Variants in SDK1 observed in about 807,000 individuals in gnomAD.
The protein encoded by SDK1 is sidekick cell adhesion molecule 1.
A neutral mutation model predicts 245.5 loss-of-function variants in SDK1; 157 were observed. The ratio of observed to expected loss-of-function variants is 0.64; its 90% CI spans 0.56 to 0.73. The LOEUF (loss-of-function observed/expected upper bound fraction) is 0.73, where lower values mean the gene tolerates loss of function less well. SDK1 is among the 30% of genes least tolerant of loss of function. SDK1 has a pLI of 0.00. For missense variants in SDK1, 3,583 were observed against 3,002.3 expected (o/e 1.19, Z -4.52); for synonymous variants, 1,647 against 1,278.5 (o/e 1.29, Z -6.15).
intron 1 of SDK1, among the ~76,000 whole-genome samples, chr7:3,496,190 C>T (rs929663554): frequency 6.6e-6 from 1 of 152,126 alleles, no homozygotes; most frequent in Non-Finnish European, 1.5e-5. Flanking sequence ...TGAAATGAGG[C>T]TAGCAGTGGG....
intron 1 of SDK1, among the ~76,000 whole-genome samples, chr7:3,456,239 C>A (rs923289619): frequency 6.6e-6 from 1 of 152,196 alleles, no homozygotes; most frequent in African/African-American, 2.4e-5. Flanking sequence ...CTTCTTGAAT[C>A]TGTAGATTTA....
intron 4 of SDK1, among the ~76,000 whole-genome samples, chr7:3,806,078 T>C (rs1415524314): frequency 1.3e-5 from 2 of 152,224 alleles, no homozygotes; most frequent in African/African-American, 4.8e-5. Flanking sequence ...CTGCAAATGC[T>C]TGGCTTGTAG....
At chr7:3,565,265 A>C (rs901526260) in intron 1 of SDK1, among the ~76,000 whole-genome samples, 1 of 152,144 alleles carries the variant, frequency 6.6e-6, no homozygotes, top group Admixed American at 6.5e-5. Flanking sequence ...TAAAGCATCT[A>C]AATTGCATCC....
chr7:3,969,147 G>T, intron 10 of SDK1, 110 bp from the exon 11 acceptor site: 1 of 977,062 alleles, frequency 1.0e-6, no homozygotes, highest in Non-Finnish European at 1.5e-6. Context: ...ACGAGACTTG[G>T]GTGGGGACAC....
intron 5 of SDK1, among the ~76,000 whole-genome samples, chr7:3,919,232 A>G (rs1779499548): frequency 6.6e-6 from 1 of 152,250 alleles, no homozygotes; most frequent in Non-Finnish European, 1.5e-5. Flanking sequence ...CCCCCAGGCC[A>G]TAATGAGGGT....
chr7:3,582,707 AAAG>A (rs1193730252), intron 1 of SDK1, among the ~76,000 whole-genome samples: 1 of 149,508 alleles, frequency 6.7e-6, no homozygotes, highest in Non-Finnish European at 1.5e-5. Flanking sequence ...AAAAAAAAAA[AAAG>A]GTACCATCAG....
intron 40 of SDK1, 156 bp from the exon 41 acceptor site, chr7:4,233,097 CTG>C (rs1785900208): frequency 1.6e-6 from 1 of 631,748 alleles, no homozygotes; most frequent in South Asian, 2.0e-5. Context: ...ACTTGCGAAA[CTG>C]AGACTCCGTC....
At chr7:3,870,284 C>T (rs1272142001) in intron 5 of SDK1, among the ~76,000 whole-genome samples, 2 of 152,026 alleles carry the variant, frequency 1.3e-5, no homozygotes, top group African/African-American at 2.4e-5. Context: ...GTGATTGCTA[C>T]TTTTCGTTAT....
At chr7:3,998,551 G>A (rs1230213964) in intron 14 of SDK1, among the ~76,000 whole-genome samples, 1 of 152,084 alleles carries the variant, frequency 6.6e-6, no homozygotes, top group Non-Finnish European at 1.5e-5. Flanking sequence ...TTCAGCTTTT[G>A]GGAATTCATG....
At chr7:3,522,750 T>C (rs1400535107) in intron 1 of SDK1, among the ~76,000 whole-genome samples, 1 of 152,182 alleles carries the variant, frequency 6.6e-6, no homozygotes, top group African/African-American at 2.4e-5. Flanking sequence ...CACTGACCAA[T>C]TCCAGCTTTA....
chr7:4,048,764 T>C (rs1789215691), intron 17 of SDK1, among the ~76,000 whole-genome samples: 1 of 152,204 alleles, frequency 6.6e-6, no homozygotes, highest in Non-Finnish European at 1.5e-5. Flanking sequence ...AAGGCAGTCA[T>C]TTGGCAGGTA....
chr7:3,938,323 A>T (rs1780231920), intron 5 of SDK1, among the ~76,000 whole-genome samples: 1 of 151,676 alleles, frequency 6.6e-6, no homozygotes. Flanking sequence ...TCAGTGGGAG[A>T]TTATGCATTT....
At chr7:3,551,678 T>C (rs1779418400) in intron 1 of SDK1, among the ~76,000 whole-genome samples, 1 of 152,046 alleles carries the variant, frequency 6.6e-6, no homozygotes, top group South Asian at 2.1e-4. Context: ...AGAAAACTTG[T>C]AAAGTTACTT....
chr7:4,184,782 A>G (rs538948104), intron 35 of SDK1, among the ~76,000 whole-genome samples: 3 of 152,314 alleles, frequency 2.0e-5, no homozygotes, highest in Admixed American at 1.3e-4. Context: ...AGCTGAAAGA[A>G]TCATTATTAA....
intron 4 of SDK1, among the ~76,000 whole-genome samples, chr7:3,652,058 C>G (rs1294920428): frequency 1.3e-5 from 2 of 151,994 alleles, no homozygotes; most frequent in African/African-American, 4.8e-5. Context: ...AAATATTGGC[C>G]TCCGTTTTAT....
In SDK1 at chr7:3,967,335, A is replaced by G; in HGVS notation, c.1447A>G (p.Thr483Ala). 6.2e-7 allele frequency: 1 copy of G among 1,613,884 alleles called. No individual in the cohort carries two copies. The highest frequency in any genetic ancestry group is 8.5e-7 in the Non-Finnish European group (1 of 1,179,826). The change falls in exon 10 of 45, where the codon ACC becomes GCC. Residue 483 changes from threonine (T) to alanine (A), a missense_variant. Thr to Ala is a moderately conservative substitution (Grantham distance 58). Coordinates refer to ENST00000404826, the MANE Select transcript of SDK1 (RefSeq NM_152744.4). ...LDVTNIAPVF[T>A]QRPVDTTVTD... Reference sequence around the variant, plus strand: ...CTTCTCAGATATCGCTCCAGTGTTCACCCAGCGGCCAGTGGACACCACAGT... The same window carrying G: ...CTTCTCAGATATCGCTCCAGTGTTCGCCCAGCGGCCAGTGGACACCACAGT...
chr7:3,716,579 G>A (rs755184626), intron 4 of SDK1, among the ~76,000 whole-genome samples: 9 of 152,032 alleles, frequency 5.9e-5, no homozygotes, highest in Non-Finnish European at 1.2e-4. Flanking sequence ...GGGCAAGGTA[G>A]TGAGACCCCA....
At position 3,884,327 on chromosome 7, in the gene SDK1, G is replaced by A. The variant is rs542736385; in HGVS notation, c.847+62744G>A. On this transcript the variant is annotated intron_variant, in intron 5 of 44. Transcript: ENST00000404826. Reference sequence around the variant, plus strand: ...CTGAGGCTCAGTGAGGGCCTCTTGCGTTTGAAAGCCTTGTGTCTGGCGCAT... The same window carrying A: ...CTGAGGCTCAGTGAGGGCCTCTTGCATTTGAAAGCCTTGTGTCTGGCGCAT... 7.2e-5 allele frequency among the ~76,000 whole-genome samples: 11 copies of A among 152,214 alleles called. No homozygotes were observed. In the South Asian group the frequency reaches 8.3e-4, roughly 11 times the overall value.
chr7:3,529,036 A>G (rs1481231756), intron 1 of SDK1, among the ~76,000 whole-genome samples: 1 of 152,178 alleles, frequency 6.6e-6, no homozygotes, highest in African/African-American at 2.4e-5. Flanking sequence ...GATTGAACAA[A>G]TAAGTAAATA....
Sources: allele counts gnomAD v4.1 joint callset (sites outside exome capture counted in the v4.1 genomes callset), GRCh38; gene constraint gnomAD v4.1.1; transcripts MANE v1.5; gene names NCBI Gene and HGNC (gene_info 2026-07-23, HGNC 2026-07-21).